Variants in MAF observed in about 807,000 individuals in gnomAD.
The protein encoded by MAF is MAF bZIP transcription factor, also known as transcription factor Maf.
A neutral mutation model predicts 22.0 loss-of-function variants in MAF; 10 were observed. The observed-to-expected ratio is 0.45, with a 90% CI of 0.28 to 0.77. MAF has a LOEUF of 0.77. MAF is among the 30% of genes least tolerant of loss of function. MAF has a pLI of 0.12. For missense variants in MAF, 544 were observed against 548.4 expected (o/e 0.99, Z 0.08); for synonymous variants, 337 against 255.8 (o/e 1.32, Z -3.03).
At chr16:79,211,818 C>T in the MAF span, 42 of 1,613,506 alleles carry the variant, frequency 2.6e-5, no homozygotes, top group Non-Finnish European at 3.1e-5. Flanking sequence ...AGCGGATGGG[C>T]ACACACACCC....
chr16:79,546,196 T>C, the MAF span, among the ~76,000 whole-genome samples: 234 of 152,286 alleles, frequency 1.5e-3, no homozygotes, highest in African/African-American at 5.5e-3. Context: ...AGTTCTATCA[T>C]TGTGAGAACA....
the MAF span, among the ~76,000 whole-genome samples, chr16:79,288,494 A>G: frequency 1.3e-5 from 2 of 152,156 alleles, no homozygotes; most frequent in Non-Finnish European, 2.9e-5. Flanking sequence ...GTTTAGCTCC[A>G]TACATCACTG....
the MAF span, among the ~76,000 whole-genome samples, chr16:79,415,097 G>A: frequency 1.3e-5 from 2 of 152,224 alleles, no homozygotes; most frequent in African/African-American, 4.8e-5. Context: ...CCTGCAGGAA[G>A]CGAGAACTAG....
chr16:79,546,890 CTAAT>C, the MAF span, among the ~76,000 whole-genome samples: 1,890 of 152,156 alleles, frequency 0.012, 41 homozygotes, highest in African/African-American at 0.043. Flanking sequence ...GAATTGGAAA[CTAAT>C]TAAGGAGGAA....
chr16:79,541,886 C>A, the MAF span, among the ~76,000 whole-genome samples: 2 of 151,990 alleles, frequency 1.3e-5, no homozygotes, highest in African/African-American at 4.8e-5. Flanking sequence ...GAACACCTCA[C>A]CTCAAGCGAT....
At chr16:79,530,660 T>C in the MAF span, among the ~76,000 whole-genome samples, 6 of 152,218 alleles carry the variant, frequency 3.9e-5, no homozygotes, top group African/African-American at 1.4e-4. Flanking sequence ...TTATTGAAAG[T>C]ATGACTGAGT....
At chr16:79,561,329 T>A in the MAF span, among the ~76,000 whole-genome samples, 2 of 149,600 alleles carry the variant, frequency 1.3e-5, no homozygotes, top group Non-Finnish European at 1.5e-5. Context: ...TTTTTTTTTA[T>A]ATATACTTTA....
At chr16:79,346,251 TC>T in the MAF span, among the ~76,000 whole-genome samples, 1 of 149,920 alleles carries the variant, frequency 6.7e-6, no homozygotes, top group African/African-American at 2.5e-5. Flanking sequence ...ACTGTTCAAT[TC>T]CCACCTGAGT....
the MAF span, among the ~76,000 whole-genome samples, chr16:79,337,235 A>G: frequency 6.6e-6 from 1 of 152,168 alleles, no homozygotes; most frequent in African/African-American, 2.4e-5. Flanking sequence ...TACTCAGACT[A>G]CCATCTTCTT....
the MAF span, among the ~76,000 whole-genome samples, chr16:79,208,171 G>A: frequency 6.6e-6 from 1 of 152,186 alleles, no homozygotes. Flanking sequence ...TGATTGCACA[G>A]TTCTCCTCTG....
At chr16:79,538,518 A>C in the MAF span, among the ~76,000 whole-genome samples, 1 of 152,252 alleles carries the variant, frequency 6.6e-6, no homozygotes, top group African/African-American at 2.4e-5. Flanking sequence ...AAAGCAAAGA[A>C]AGAATATTAA....
the MAF span, among the ~76,000 whole-genome samples, chr16:79,468,236 A>C: frequency 6.6e-6 from 1 of 152,118 alleles, no homozygotes; most frequent in South Asian, 2.1e-4. Context: ...GATTTATGAC[A>C]CCCACGGAGT....
the MAF span, among the ~76,000 whole-genome samples, chr16:79,380,384 T>G: frequency 2.0e-5 from 3 of 152,230 alleles, no homozygotes; most frequent in Non-Finnish European, 4.4e-5. Flanking sequence ...TAGTAGCATG[T>G]GCTGAATGCT....
chr16:79,491,298 A>G, the MAF span, among the ~76,000 whole-genome samples: 1 of 152,184 alleles, frequency 6.6e-6, no homozygotes, highest in Non-Finnish European at 1.5e-5. Flanking sequence ...AGAGATTGGG[A>G]GGTAGTAGCT....
downstream of MAF, among the ~76,000 whole-genome samples, chr16:79,583,755 C>A (rs1249557875): frequency 6.6e-6 from 1 of 152,192 alleles, no homozygotes; most frequent in Non-Finnish European, 1.5e-5. Context: ...CAAAAGCCAC[C>A]TTTAGCGCGA....
chr16:79,406,449 G>C, the MAF span, among the ~76,000 whole-genome samples: 1 of 152,142 alleles, frequency 6.6e-6, no homozygotes, highest in Non-Finnish European at 1.5e-5. Context: ...TTAGTGTCTG[G>C]TGACACTGAA....
At chr16:79,406,543 G>T in the MAF span, among the ~76,000 whole-genome samples, 31 of 152,058 alleles carry the variant, frequency 2.0e-4, no homozygotes, top group African/African-American at 7.5e-4. Context: ...CCTCCCCAGG[G>T]CCTCTTTTAG....
the MAF span, among the ~76,000 whole-genome samples, chr16:79,480,292 G>C: frequency 6.6e-6 from 1 of 152,024 alleles, no homozygotes; most frequent in Non-Finnish European, 1.5e-5. Context: ...GGGTGAAACT[G>C]GGCAGGCAGA....
At chr16:79,503,119 G>A in the MAF span, among the ~76,000 whole-genome samples, 6 of 152,088 alleles carry the variant, frequency 3.9e-5, no homozygotes, top group South Asian at 2.1e-4. Flanking sequence ...CTTGGTTTAC[G>A]GGCTGGGCAC....
Sources: gnomAD v4.1 joint callset for allele counts (sites outside exome capture counted in the v4.1 genomes callset) on GRCh38, gnomAD v4.1.1 for gene constraint, MANE v1.5 for transcripts, NCBI Gene and HGNC (gene_info 2026-07-23, HGNC 2026-07-21) for gene names.